Variants in PCDH15 observed in about 807,000 individuals in gnomAD.
The protein encoded by PCDH15 is protocadherin-15.
Under a neutral mutation model 178.5 loss-of-function variants are expected in PCDH15, and 129 were observed. The ratio of observed to expected loss-of-function variants is 0.72; its 90% confidence interval spans 0.63 to 0.84. PCDH15 has a LOEUF of 0.84. Ranked by LOEUF, PCDH15 falls within the 40% of genes least tolerant of loss-of-function variation. The pLI, the probability that PCDH15 is intolerant of heterozygous loss-of-function variation, is 0.00. For missense variants in PCDH15, 2,230 were observed against 2,099.9 expected (o/e 1.06, Z -1.21); for synonymous variants, 800 against 732.0 (o/e 1.09, Z -1.50).
chr10:54,260,807 A>AT (rs1235316873), intron 8 of PCDH15, among the ~76,000 whole-genome samples: 2 of 152,020 alleles, frequency 1.3e-5, no homozygotes. Context: ...TAATTTTTGT[A>AT]TTTTTAGTAG....
chr10:54,748,549 G>T (rs569621191), intron 1 of PCDH15, among the ~76,000 whole-genome samples: 59 of 152,208 alleles, frequency 3.9e-4, no homozygotes, highest in African/African-American at 1.3e-3. Context: ...TCTTTATTTT[G>T]AAGGCAAACA....
chr10:54,196,589 G>A (rs549112173), intron 10 of PCDH15, among the ~76,000 whole-genome samples: 4 of 152,226 alleles, frequency 2.6e-5, no homozygotes, highest in African/African-American at 9.6e-5. Flanking sequence ...AAGAACTATC[G>A]TATCGACTTT....
At chr10:54,309,316 T>A (rs939095278) in intron 8 of PCDH15, among the ~76,000 whole-genome samples, 11 of 100,920 alleles carry the variant, frequency 1.1e-4, no homozygotes, top group Non-Finnish European at 2.0e-4. Context: ...TATATATACG[T>A]ACATACACAC....
intron 1 of PCDH15, among the ~76,000 whole-genome samples, chr10:54,734,955 C>T (rs182292095): frequency 5.8e-4 from 88 of 151,994 alleles, no homozygotes; most frequent in African/African-American, 2.0e-3. Flanking sequence ...GGTTACAAGA[C>T]TACATGTTTG....
intron 15 of PCDH15, among the ~76,000 whole-genome samples, chr10:54,108,950 G>A (rs748264010): frequency 1.6e-4 from 24 of 151,964 alleles, no homozygotes; most frequent in Non-Finnish European, 2.8e-4. Flanking sequence ...ATCAACTGAC[G>A]CAACAAACAA....
At chr10:55,383,073 C>A (rs1837575524) in intron 2 of PCDH15, among the ~76,000 whole-genome samples, 1 of 152,050 alleles carries the variant, frequency 6.6e-6, no homozygotes, top group Admixed American at 6.6e-5. Flanking sequence ...AGGTCACATT[C>A]AGGTTTGAAA....
Position 55,043,917 on chromosome 10 carries a change from C to T in PCDH15, c.-80+122659G>A, listed in dbSNP as rs188628410. On this transcript the variant is annotated intron_variant, in intron 2 of 5. Coordinates refer to the PCDH15 transcript ENST00000458638. ...GGGTATTTGAATGGGTTAAAAACTACAGACAAGATACATCAAAGATTGAAC... is the reference window on the plus strand; with the variant it reads ...GGGTATTTGAATGGGTTAAAAACTATAGACAAGATACATCAAAGATTGAAC... Among the ~76,000 whole-genome samples, 437 of 151,904 alleles carry T rather than the reference C, an allele frequency of 2.9e-3. 2 individuals are homozygous for T. The highest frequency in any genetic ancestry group is 4.8e-3 in the Non-Finnish European group (324 of 67,916).
intron 9 of PCDH15, among the ~76,000 whole-genome samples, chr10:54,226,266 C>A (rs2053437367): frequency 6.6e-6 from 1 of 152,248 alleles, no homozygotes; most frequent in South Asian, 2.1e-4. Context: ...AGAGAGAGAG[C>A]TTCTGCAGGG....
At chr10:54,179,389 A>C (rs923780719) in intron 13 of PCDH15, among the ~76,000 whole-genome samples, 1 of 132,514 alleles carries the variant, frequency 7.5e-6, no homozygotes, top group African/African-American at 2.8e-5. Context: ...TGGACACAGG[A>C]AGGGGAACAT....
chr10:54,596,215 A>G (rs1475272165), intron 2 of PCDH15, among the ~76,000 whole-genome samples: 5 of 152,172 alleles, frequency 3.3e-5, no homozygotes, highest in African/African-American at 1.2e-4. Flanking sequence ...GCTAGAGAGA[A>G]AGGACAGATC....
chr10:53,816,031 C>T (rs1342961121), intron 35 of PCDH15, among the ~76,000 whole-genome samples: 1 of 152,080 alleles, frequency 6.6e-6, no homozygotes, highest in African/African-American at 2.4e-5. Flanking sequence ...GAGAATGAGG[C>T]TAAAAATTTG....
chr10:54,506,924 T>C (rs1055157378), intron 3 of PCDH15, among the ~76,000 whole-genome samples: 2 of 152,046 alleles, frequency 1.3e-5, no homozygotes, highest in African/African-American at 2.4e-5. Context: ...ATTCTTTTTA[T>C]GGGCAAAACA....
At chr10:55,465,756 A>T (rs1839818286) in intron 2 of PCDH15, among the ~76,000 whole-genome samples, 2 of 152,162 alleles carry the variant, frequency 1.3e-5, no homozygotes. Context: ...ACAAAACATA[A>T]TTCTTTCTCT....
At chr10:55,328,951 A>AG (rs1844117415) in intron 2 of PCDH15, among the ~76,000 whole-genome samples, 2 of 120,342 alleles carry the variant, frequency 1.7e-5, no homozygotes, top group South Asian at 5.4e-4. Context: ...TATATATATA[A>AG]AATATATAAT....
intron 2 of PCDH15, among the ~76,000 whole-genome samples, chr10:54,616,666 G>A (rs1409083178): frequency 3.3e-5 from 5 of 152,016 alleles, no homozygotes; most frequent in Admixed American, 2.0e-4. Context: ...TGGACTCACA[G>A]CCACCAAAGA....
chr10:55,146,934 G>T (rs547658969), intron 2 of PCDH15, among the ~76,000 whole-genome samples: 2 of 151,380 alleles, frequency 1.3e-5, no homozygotes, highest in South Asian at 4.2e-4. Flanking sequence ...GTGGCGGGGT[G>T]GGGGGAAGAC....
At chr10:55,071,066 C>T (rs935944580) in intron 2 of PCDH15, among the ~76,000 whole-genome samples, 4 of 152,044 alleles carry the variant, frequency 2.6e-5, no homozygotes, top group African/African-American at 9.7e-5. Context: ...TCTGTCACCA[C>T]CAGGCCTGCC....
chr10:54,105,339 TAC>T (rs59388031), intron 15 of PCDH15, among the ~76,000 whole-genome samples: 76,085 of 134,482 alleles, frequency 0.57, 22,530 homozygotes, highest in Non-Finnish European at 0.64. Flanking sequence ...TACATATATA[TAC>T]ACACACACAC....
chr10:54,990,624 T>A (rs959288309), intron 2 of PCDH15, among the ~76,000 whole-genome samples: 1 of 152,206 alleles, frequency 6.6e-6, no homozygotes, highest in Admixed American at 6.5e-5. Context: ...AGGTAATACA[T>A]ACAGTACATG....
Sources: allele counts gnomAD v4.1 joint callset (sites outside exome capture counted in the v4.1 genomes callset), GRCh38; gene constraint gnomAD v4.1.1; transcripts MANE v1.5; gene names NCBI Gene and HGNC (gene_info 2026-07-23, HGNC 2026-07-21).